Variants in ARAF observed in about 807,000 individuals in gnomAD.
ARAF encodes the protein A-Raf proto-oncogene, serine/threonine kinase, also known as serine/threonine-protein kinase A-Raf.
A neutral mutation model predicts 48.0 loss-of-function variants in ARAF; 18 were observed. The ratio of observed to expected loss-of-function variants is 0.37; its 90% CI spans 0.26 to 0.56. The LOEUF is 0.56. Ranked by LOEUF, ARAF falls within the 20% of genes least tolerant of loss-of-function variation. The probability of loss-of-function intolerance (pLI) is 0.77; values close to 1 mark genes in which losing one functional copy is unlikely to be tolerated. For synonymous variants in ARAF, 207 were observed against 220.1 expected (o/e 0.94, Z 0.53); for missense variants, 389 against 543.1 (o/e 0.72, Z 2.82).
chrX:47,569,458 A>G, intron 12 of ARAF, 81 bp from the exon 13 acceptor site: 1 of 790,354 alleles, frequency 1.3e-6, no homozygotes, highest in Non-Finnish European at 1.9e-6. Context: ...TGAGTGGTAT[A>G]GGGGCACCAA....
At chrX:47,561,347 TG>T (rs2057707037) in intron 1 of ARAF, 96 bp downstream of exon 1, 1 of 111,868 alleles carries the variant, frequency 8.9e-6, no homozygotes, top group Non-Finnish European at 1.9e-5. Flanking sequence ...TGGCTGCGCC[TG>T]GGCCCCGGCG....
At position 47,571,158 on chromosome X, in the gene ARAF, G is replaced by A. The variant is rs1027184826; in HGVS notation, c.1686+146G>A. ...GTGTGTGTGTTTCACCATGAGGCTG[G>A]GACTGTTGGGGGTGTGTGTGTATGT... On this transcript the variant is annotated intron_variant, in intron 15 of 15. Coordinates refer to ENST00000377045, the MANE Select transcript of ARAF (RefSeq NM_001654.5). The A allele has an allele frequency of 9.6e-5, 91 of 948,345 alleles. No individual in the cohort carries two copies. In the East Asian group the frequency reaches 3.1e-3, roughly 32 times the overall value. The allele number at this position is 948,345 out of a possible 1,213,427, so 78.2% of individuals were successfully genotyped here.
chrX:47,561,969 AC>A (rs35299477), intron 1 of ARAF, among the ~76,000 whole-genome samples: 5,545 of 58,717 alleles, frequency 0.094, 180 homozygotes, highest in East Asian at 0.14. Flanking sequence ...GTATGTAGTG[AC>A]CCCCCCCCCC....
rs151191170 is a variant in ARAF at position 47,567,304 on chromosome X, C to T, written c.948C>T (p.Ile316=). Residue 316 remains isoleucine (I), a synonymous_variant, in exon 10 of 16, where the codon ATC becomes ATT. Transcript: ENST00000377045. The part of the protein sequence containing the change: ...PPSEVQLLKR[I]GTGSFGTVFR... ...GTGAGGTGCAGCTGCTGAAGAGGAT[C>T]GGGACGGGCTCGTTTGGCACCGTGT... is the stretch of plus-strand genomic sequence containing the variant. 6.9e-5 allele frequency: 83 copies of T among 1,209,239 alleles called. No homozygotes were observed. The highest frequency in any genetic ancestry group is 5.6e-4 in the African/African-American group (32 of 56,883).
chrX:47,563,378 C>T (rs1247463020), intron 3 of ARAF, 49 bp downstream of exon 3: 2 of 966,694 alleles, frequency 2.1e-6, no homozygotes, highest in Non-Finnish European at 2.9e-6. Flanking sequence ...CACCTCCCAT[C>T]CCCTCCTCAG....
chrX:47,565,123 A>G lies in ARAF; in HGVS notation c.442A>G (p.Ser148Gly). 3 of 1,210,097 alleles carry G rather than the reference A, an allele frequency of 2.5e-6. No individual in the cohort carries two copies. Among genetic ancestry groups the G allele is most frequent in the Non-Finnish European group, 3.4e-6 (3 of 894,478 alleles). Residue 148 changes from serine to glycine, a missense_variant, in exon 5 of 16, where the codon AGT becomes GGT. Transcript: ENST00000377045. ...GGTCCCCACAGTCTGTGTTGACATG[A>G]GTACCAACCGCCAACAGTGAGCCCA... ...SKVPTVCVDM[S>G]TNRQQFYHSV...
In ARAF at chrX:47,569,425, G is replaced by GCTC. The variant is rs2057746048; in HGVS notation, c.1301-111_1301-109dup. The GCTC allele has an allele frequency of 6.6e-6, 4 of 610,493 alleles. No homozygotes were observed. The Admixed American group carries it at 9.2e-5, about 14-fold the overall frequency. 50.3% of individuals were successfully genotyped at this position (610,493 alleles called of 1,213,427 possible). A position where few individuals can be genotyped will look rare whatever the true frequency, so the allele number is the denominator to read the frequency against. On this transcript the variant is annotated intron_variant, in intron 12 of 15. Transcript: ENST00000377045. Reference sequence around the variant, plus strand: ...TGGATAGTTTGCGTGATATTAAGGGGCTCCTGGTCAGGATCAGAGGGATGA... The same window carrying GCTC: ...TGGATAGTTTGCGTGATATTAAGGGGCTCCTCCTGGTCAGGATCAGAGGGATGA...
Position 47,565,101 on chromosome X carries a change from C to T in ARAF, c.420C>T (p.Val140=). 1 of 1,211,862 alleles carries T rather than the reference C, an allele frequency of 8.3e-7. No individual in the cohort carries two copies. The highest frequency in any genetic ancestry group is 1.8e-5 in the South Asian group (1 of 56,980). ...TCCACCAGCATTGTTCCTCCAAGGT[C>T]CCCACAGTCTGTGTTGACATGAGTA... ...YKFHQHCSSK[V]PTVCVDMSTN... The change falls in exon 5 of 16, where the codon GTC becomes GTT. Residue 140 remains valine, a synonymous_variant. Transcript: ENST00000377045.
chrX:47,568,950 C>A lies in ARAF; in HGVS notation c.1254-37C>A, dbSNP rs199723158. ...GGAAAGGGTGGGGGAAATGAGGTAA[C>A]CCCCAGCCAATCCGCCACCTGCCTC... On this transcript the variant is annotated intron_variant, in intron 11 of 15. Coordinates refer to ENST00000377045, the MANE Select transcript of ARAF (RefSeq NM_001654.5). 5.8e-6 allele frequency: 7 copies of A among 1,198,558 alleles called. No homozygotes were observed. In the African/African-American group the frequency reaches 8.8e-5, roughly 15 times the overall value.
intron 3 of ARAF, among the ~76,000 whole-genome samples, chrX:47,564,398 G>A (rs917425967): frequency 1.8e-5 from 2 of 111,659 alleles, no homozygotes; most frequent in African/African-American, 6.5e-5. Context: ...CTCTCTCGTG[G>A]GTTTCCTTAA....
rs2057706385 is a variant in ARAF at position 47,561,215 on chromosome X, C to T, written c.-96C>T. 1 of 112,316 alleles carries T rather than the reference C, an allele frequency of 8.9e-6. No individual in the cohort carries two copies. The allele number at this position is 112,316 out of a possible 1,213,427, so 9.3% of individuals were successfully genotyped here. A position where few individuals can be genotyped will look rare whatever the true frequency, so the allele number is the denominator to read the frequency against. On this transcript the variant is annotated 5_prime_UTR_variant, in exon 1 of 16. Coordinates refer to ENST00000377045, the MANE Select transcript of ARAF (RefSeq NM_001654.5). The stretch of plus-strand genomic sequence containing the variant: ...CTGTGAGGAAACAAGAAGAGAGGCC[C>T]AAGATGGAGACGGCGGCGGCTGTAG...
chrX:47,565,252 G>T lies in ARAF; in HGVS notation c.459G>T (p.Gln153His), dbSNP rs779536112. The T allele has an allele frequency of 1.6e-4, 190 of 1,209,381 alleles. 2 individuals are homozygous for T. In the South Asian group the frequency reaches 2.9e-3, roughly 19 times the overall value. The change falls in exon 6 of 16, where the codon CAG becomes CAT. Residue 153 changes from glutamine to histidine, a missense_variant and splice_region_variant. By Grantham distance (24) the Gln-to-His change is conservative. Around this residue, in one of 4 missense-constraint regions of ARAF, gnomAD observed 154 missense variants for 133.6 expected, o/e 1.15. Transcript: ENST00000377045. The stretch of plus-strand genomic sequence containing the variant: ...GCTTTATACCCTTCATGCCCTCAAG[G>T]TTCTACCACAGTGTCCAGGATTTGT... ...VCVDMSTNRQ[Q>H]FYHSVQDLSG...
chrX:47,569,618 C>G lies in ARAF; in HGVS notation c.1380C>G (p.Ala460=), dbSNP rs1306432236. Residue 460 remains alanine (A), a synonymous_variant, in exon 13 of 16, where the codon GCC becomes GCG. Transcript: ENST00000377045. ...CAGTGAAGACTCGATGGAGCGGGGC[C>G]CAGCCCTTGGAGCAGCCCTCAGGAT... ...LATVKTRWSG[A]QPLEQPSGSV... is the part of the protein sequence containing the mutation. The G allele has an allele frequency of 8.3e-7, 1 of 1,209,642 alleles. No homozygotes were observed. The highest frequency in any genetic ancestry group is 1.1e-6 in the Non-Finnish European group (1 of 894,493).
chrX:47,571,210 T>TTG, intron 15 of ARAF, 113 bp from the exon 16 acceptor site: 3 of 795,131 alleles, frequency 3.8e-6, no homozygotes, highest in Non-Finnish European at 5.0e-6. Context: ...CTGGGACTGT[T>TTG]GGGTGTGTGT....
chrX:47,563,461 C>G, intron 3 of ARAF, 132 bp downstream of exon 3: 1 of 525,598 alleles, frequency 1.9e-6, no homozygotes, highest in Non-Finnish European at 3.2e-6. Context: ...CCCCCCTTAT[C>G]TGCAGGGTAC....
intron 10 of ARAF, 40 bp downstream of exon 10, chrX:47,567,472 G>A (rs773303308): frequency 3.3e-5 from 38 of 1,154,923 alleles, no homozygotes; most frequent in Non-Finnish European, 3.4e-5. Context: ...TGGCAGGCCC[G>A]GCCTTGGCAT....
chrX:47,568,873 G>A lies in ARAF; in HGVS notation c.1232G>A (p.Arg411Gln), dbSNP rs959306158. 60 of 1,207,822 alleles carry A rather than the reference G, an allele frequency of 5.0e-5. No individual in the cohort carries two copies. Among genetic ancestry groups the A allele is most frequent in the African/African-American group, 2.1e-4 (12 of 56,738 alleles). Residue 411 changes from arginine to glutamine, a missense_variant, in exon 11 of 16, where the codon CGG becomes CAG. By Grantham distance (43) the Arg-to-Gln change is conservative. Coordinates refer to ENST00000377045, the MANE Select transcript of ARAF (RefSeq NM_001654.5). ...ATGGTCCAGCTCATCGACGTGGCCC[G>A]GCAGACTGCCCAGGGCATGGAGTGA... Reference protein sequence around the residue: ...FDMVQLIDVARQTAQGMDYLH... With the variant: ...FDMVQLIDVAQQTAQGMDYLH...
chrX:47,571,566 A>C lies in ARAF; in HGVS notation c.*109A>C. The stretch of plus-strand genomic sequence containing the variant: ...CCCTGATGCTGCCTCAGGATCCCCC[A>C]TTCCCCACCCTGGGAGATGAGGGGG... On this transcript the variant is annotated 3_prime_UTR_variant, in exon 16 of 16. Transcript: ENST00000377045. The C allele has an allele frequency of 1.8e-5, 18 of 1,026,387 alleles. No individual in the cohort carries two copies. Among genetic ancestry groups the C allele is most frequent in the Non-Finnish European group, 2.2e-5 (17 of 784,473 alleles). 84.6% of individuals were successfully genotyped at this position (1,026,387 alleles called of 1,213,427 possible).
intron 1 of ARAF, among the ~76,000 whole-genome samples, 151 bp from the exon 2 acceptor site, chrX:47,562,758 C>T (rs1312214933): frequency 8.9e-6 from 1 of 111,864 alleles, no homozygotes; most frequent in African/African-American, 3.2e-5. Flanking sequence ...GGAAGGACTT[C>T]AGATGTGAGC....
Sources: gnomAD v4.1 joint callset for allele counts (sites outside exome capture counted in the v4.1 genomes callset) on GRCh38, gnomAD v4.1.1 for gene constraint, gnomAD v4.1.1 regional missense constraint, MANE v1.5 for transcripts, NCBI Gene and HGNC (gene_info 2026-07-23, HGNC 2026-07-21) for gene names.